The following DLC1 variants were observed in gnomAD, a reference collection of about 807,000 sequenced individuals.
DLC1 encodes the protein rho GTPase-activating protein 7.
In DLC1, 54 loss-of-function variants were observed where a neutral mutation model predicts 140.3. The observed-to-expected ratio is 0.38, with a 90% CI of 0.31 to 0.48. The LOEUF (loss-of-function observed/expected upper bound fraction) is 0.48, where lower values mean the gene tolerates loss of function less well. DLC1 is among the 20% of genes least tolerant of loss of function. DLC1 has a pLI of 0.96. For synonymous variants in DLC1, 986 were observed against 728.1 expected (o/e 1.35, Z -5.70); for missense variants, 2,536 against 1,907.0 (o/e 1.33, Z -6.14).
intron 5 of DLC1, among the ~76,000 whole-genome samples, chr8:13,166,057 C>G (rs572312249): frequency 6.6e-6 from 1 of 152,170 alleles, no homozygotes; most frequent in Non-Finnish European, 1.5e-5. Context: ...GCCACAAAAC[C>G]TATTCCCAAT....
intron 1 of DLC1, among the ~76,000 whole-genome samples, chr8:13,570,147 A>G (rs1287960474): frequency 6.6e-6 from 1 of 152,208 alleles, no homozygotes; most frequent in Non-Finnish European, 1.5e-5. Flanking sequence ...AAGGTCACAT[A>G]GTGGTTCTTT....
intron 5 of DLC1, among the ~76,000 whole-genome samples, chr8:13,196,118 ACACACAC>A (rs1339813879): frequency 6.6e-5 from 10 of 151,982 alleles, no homozygotes; most frequent in African/African-American, 2.4e-4. Flanking sequence ...ACACACACAC[ACACACAC>A]ACACGTGAAC....
intron 1 of DLC1, among the ~76,000 whole-genome samples, chr8:13,537,546 C>T (rs545388509): frequency 2.0e-5 from 3 of 151,124 alleles, no homozygotes; most frequent in Admixed American, 6.6e-5. Context: ...GAGACAGACA[C>T]AGTTAGGTAA....
chr8:13,389,334 A>G (rs1467797222), intron 4 of DLC1, among the ~76,000 whole-genome samples: 1 of 152,138 alleles, frequency 6.6e-6, no homozygotes, highest in Admixed American at 6.5e-5. Flanking sequence ...AAGCCACTGA[A>G]GAGAGTGATA....
At chr8:13,335,879 T>A (rs1402819832) in intron 4 of DLC1, among the ~76,000 whole-genome samples, 1 of 144,212 alleles carries the variant, frequency 6.9e-6, no homozygotes, top group Non-Finnish European at 1.5e-5. Context: ...TCATGTGTAA[T>A]CATGACTTGT....
At chr8:13,211,827 C>A (rs1019249150) in intron 5 of DLC1, among the ~76,000 whole-genome samples, 2 of 152,100 alleles carry the variant, frequency 1.3e-5, no homozygotes, top group African/African-American at 4.8e-5. Flanking sequence ...AACAAACCCC[C>A]AAATTGAGGA....
chr8:13,199,431 G>A (rs959550896), intron 5 of DLC1, among the ~76,000 whole-genome samples: 14 of 151,710 alleles, frequency 9.2e-5, no homozygotes, highest in South Asian at 2.1e-4. Context: ...CAATCCTCCC[G>A]CGTCCTTCCA....
intron 5 of DLC1, among the ~76,000 whole-genome samples, chr8:13,185,900 T>C (rs1183947666): frequency 1.3e-5 from 2 of 152,148 alleles, no homozygotes; most frequent in Non-Finnish European, 1.5e-5. Flanking sequence ...TTCTCCTTCA[T>C]GTATGAAGCT....
intron 5 of DLC1, chr8:13,276,354 G>C (rs1831161592): frequency 2.6e-6 from 4 of 1,523,776 alleles, no homozygotes; most frequent in South Asian, 2.4e-5. Context: ...CCTCCGGAGA[G>C]GGGCTCGCAG....
Position 13,342,299 on chromosome 8 carries a change from A to AGCTCTG in DLC1, c.1315-37003_1315-36998dup, listed in dbSNP as rs1437240263. 4 of 152,368 alleles carry AGCTCTG rather than the reference A, an allele frequency of 2.6e-5. No homozygotes were observed. The East Asian group carries it at 7.7e-4, about 29-fold the overall frequency. 9.4% of individuals were successfully genotyped at this position (152,368 alleles called of 1,614,324 possible). On this transcript the variant is annotated intron_variant, in intron 4 of 17. Transcript: ENST00000276297. Reference sequence around the variant, plus strand: ...TCAAACATGCAGAAAATTTGGAGAAAGCTCTGAAAAAATTATCTATATGAT... The same window carrying AGCTCTG: ...TCAAACATGCAGAAAATTTGGAGAAAGCTCTGGCTCTGAAAAAATTATCTATATGAT...
chr8:13,129,267 C>G (rs142147224), intron 5 of DLC1, among the ~76,000 whole-genome samples: 1 of 152,208 alleles, frequency 6.6e-6, no homozygotes, highest in South Asian at 2.1e-4. Flanking sequence ...CATCCATATG[C>G]AAAGGCCACA....
upstream of DLC1, among the ~76,000 whole-genome samples, chr8:13,517,723 G>A (rs2117276495): frequency 6.6e-6 from 1 of 152,298 alleles, no homozygotes; most frequent in African/African-American, 2.4e-5. Context: ...AATCAAATAA[G>A]GGGACAGGGA....
intron 1 of DLC1, among the ~76,000 whole-genome samples, chr8:13,574,223 A>C (rs2117422135): frequency 6.6e-6 from 1 of 152,338 alleles, no homozygotes; most frequent in Admixed American, 6.5e-5. Flanking sequence ...CTTTTTAATA[A>C]GAGATCCTTC....
At chr8:13,492,973 A>G (rs1460022002) in intron 2 of DLC1, among the ~76,000 whole-genome samples, 2 of 152,200 alleles carry the variant, frequency 1.3e-5, no homozygotes, top group Non-Finnish European at 2.9e-5. Flanking sequence ...CTATTTACAA[A>G]GCTATTGGCT....
At chr8:13,086,539 C>T (rs1817580119) in intron 16 of DLC1, 76 bp from the exon 17 acceptor site, 3 of 1,544,724 alleles carry the variant, frequency 1.9e-6, no homozygotes, top group East Asian at 4.5e-5. Context: ...TCACTCTTCA[C>T]TATTTGCAGT....
chr8:13,346,975 C>G (rs1362874980), intron 4 of DLC1, among the ~76,000 whole-genome samples: 1 of 152,198 alleles, frequency 6.6e-6, no homozygotes, highest in Non-Finnish European at 1.5e-5. Context: ...GTCCACATTC[C>G]TATAACTTTT....
At chr8:13,116,200 G>A in intron 5 of DLC1, 2 of 985,494 alleles carry the variant, frequency 2.0e-6, no homozygotes, top group Non-Finnish European at 2.4e-6. Flanking sequence ...TAATCCAGTA[G>A]GAGAGGCCCA....
In DLC1 at chr8:13,460,422, T is replaced by C. The variant is rs536190477; in HGVS notation, c.1023+38627A>G. ...TGCACGTGTTCTGGGCGTTCATTCA[T>C]TCAGTCATCATAAAAGATATTTAGA... On this transcript the variant is annotated intron_variant, in intron 2 of 17. Coordinates refer to ENST00000276297, the MANE Select transcript of DLC1 (RefSeq NM_182643.3). Among the ~76,000 whole-genome samples, 5 of 152,364 alleles carry C rather than the reference T, an allele frequency of 3.3e-5. No individual in the cohort carries two copies. The East Asian group carries it at 9.7e-4, about 29-fold the overall frequency.
At chr8:13,092,555 T>A in intron 13 of DLC1, 57 bp downstream of exon 13, 1 of 1,567,036 alleles carries the variant, frequency 6.4e-7, no homozygotes. Context: ...CTACGGAGAG[T>A]CCTAGGAAGA....
Sources: gnomAD v4.1 joint callset for allele counts (sites outside exome capture counted in the v4.1 genomes callset) on GRCh38, gnomAD v4.1.1 for gene constraint, MANE v1.5 for transcripts, NCBI Gene and HGNC (gene_info 2026-07-23, HGNC 2026-07-21) for gene names.